FRMD6: variants seen among roughly 807,000 people sequenced by gnomAD.
The protein encoded by FRMD6 is FERM domain-containing protein 6.
FRMD6 carries 37 observed loss-of-function variants against 73.2 expected under a neutral mutation model. The ratio of observed to expected loss-of-function variants is 0.51; its 90% CI spans 0.39 to 0.66. The LOEUF is 0.66. Among genes scored for constraint, FRMD6 ranks in the 30% least tolerant of loss-of-function variants. The pLI, the probability that FRMD6 is intolerant of heterozygous loss-of-function variation, is 0.00. For missense variants in FRMD6, 714 were observed against 780.5 expected (o/e 0.91, Z 1.02); for synonymous variants, 273 against 282.2 (o/e 0.97, Z 0.33).
At chr14:51,698,927 T>C (rs936604846) in intron 3 of FRMD6, among the ~76,000 whole-genome samples, 1 of 152,004 alleles carries the variant, frequency 6.6e-6, no homozygotes. Context: ...AATTTAGTCT[T>C]CTATATATCT....
At chr14:51,683,686 C>T (rs533848952) in intron 1 of FRMD6, among the ~76,000 whole-genome samples, 1 of 152,162 alleles carries the variant, frequency 6.6e-6, no homozygotes, top group African/African-American at 2.4e-5. Context: ...TAATCTTAGG[C>T]GGCCAATACT....
Position 51,708,502 on chromosome 14 carries a change from T to C in FRMD6, c.714+269T>C, listed in dbSNP as rs146049364. Reference sequence around the variant, plus strand: ...GGCTATAAGATGTTAATCTGACTTTTTTAGTGATTATGGCATTGTTATTTC... The same window carrying C: ...GGCTATAAGATGTTAATCTGACTTTCTTAGTGATTATGGCATTGTTATTTC... On this transcript the variant is annotated intron_variant, in intron 7 of 13. Coordinates refer to ENST00000344768, the MANE Select transcript of FRMD6 (RefSeq NM_001267046.2). Among the ~76,000 whole-genome samples the C allele has an allele frequency of 3.4e-3, 518 of 152,234 alleles. 1 individual carries two copies. Among genetic ancestry groups the C allele is most frequent in the Non-Finnish European group, 5.6e-3 (382 of 67,982 alleles).
At position 51,600,457 on chromosome 14, in the gene FRMD6, G is replaced by C. The variant is rs138121912; in HGVS notation, c.-147+30047G>C. ...GACGTAGAATTACAATTACCAAAGG[G>C]AGAAGAGTTCACTGTGAATATTTAA... On this transcript the variant is annotated intron_variant, in intron 2 of 14. Coordinates refer to the FRMD6 transcript ENST00000356218. Among the ~76,000 whole-genome samples, 785 of 152,334 alleles carry C rather than the reference G, an allele frequency of 5.2e-3. 6 individuals are homozygous for C. The highest frequency in any genetic ancestry group is 0.017 in the African/African-American group (713 of 41,566).
At chr14:51,614,903 T>C (rs1189825639) in intron 2 of FRMD6, among the ~76,000 whole-genome samples, 2 of 152,188 alleles carry the variant, frequency 1.3e-5, no homozygotes, top group African/African-American at 4.8e-5. Context: ...CTTGTGCTTA[T>C]GAATACATGC....
intron 1 of FRMD6, among the ~76,000 whole-genome samples, chr14:51,497,157 G>C (rs1390281530): frequency 6.6e-6 from 1 of 151,940 alleles, no homozygotes; most frequent in Non-Finnish European, 1.5e-5. Flanking sequence ...CACTCAAGCA[G>C]GCAGAATTCC....
At chr14:51,606,848 G>A (rs990325794) in intron 2 of FRMD6, among the ~76,000 whole-genome samples, 1 of 152,148 alleles carries the variant, frequency 6.6e-6, no homozygotes, top group Non-Finnish European at 1.5e-5. Flanking sequence ...AGCCAAAGGT[G>A]TAATGCTCAG....
chr14:51,691,830 C>G (rs577469438), intron 2 of FRMD6, among the ~76,000 whole-genome samples: 1 of 151,746 alleles, frequency 6.6e-6, no homozygotes, highest in African/African-American at 2.4e-5. Flanking sequence ...CCTGACCTCA[C>G]GTGATCTGTC....
intron 2 of FRMD6, among the ~76,000 whole-genome samples, chr14:51,571,283 G>A (rs1035381562): frequency 1.3e-5 from 2 of 152,222 alleles, no homozygotes; most frequent in African/African-American, 4.8e-5. Flanking sequence ...GGATGCTGAG[G>A]CAGGAGGATC....
the FRMD6 span, among the ~76,000 whole-genome samples, chr14:51,414,888 T>C: frequency 6.6e-6 from 1 of 152,222 alleles, no homozygotes; most frequent in African/African-American, 2.4e-5. Flanking sequence ...GTTGGATTCC[T>C]AGGTATTTTA....
chr14:51,722,645 T>C (rs187041319), intron 12 of FRMD6, among the ~76,000 whole-genome samples: 100 of 152,356 alleles, frequency 6.6e-4, no homozygotes, highest in African/African-American at 2.3e-3. Context: ...CCTATAGTTA[T>C]ATAATACATC....
At chr14:51,490,620 G>GTGTGTGTGTGTGTGTGTGTGTA (rs546491853) in intron 1 of FRMD6, among the ~76,000 whole-genome samples, 2,750 of 151,944 alleles carry the variant, frequency 0.018, 37 homozygotes, top group Middle Eastern at 0.054. Flanking sequence ...TGTATTTTGT[G>GTGTGTGTGTGTGTGTGTGTGTA]TGTGTGTGTG....
chr14:51,671,385 A>T (rs577850439), intron 1 of FRMD6, among the ~76,000 whole-genome samples: 14 of 152,314 alleles, frequency 9.2e-5, no homozygotes, highest in Admixed American at 6.5e-4. Context: ...TCTTTGTCAT[A>T]AAATTTTTAA....
At position 51,556,238 on chromosome 14, in the gene FRMD6, A is replaced by G. The variant is rs574735531; in HGVS notation, c.-209-14110A>G. On this transcript the variant is annotated intron_variant, in intron 1 of 14. Coordinates refer to the FRMD6 transcript ENST00000356218. ...TACTGCTTCCTTTCTACCCACAGACATCAATGGTAAAATCAGACACTTTTG... is the reference window on the plus strand; with the variant it reads ...TACTGCTTCCTTTCTACCCACAGACGTCAATGGTAAAATCAGACACTTTTG... 7.2e-5 allele frequency among the ~76,000 whole-genome samples: 11 copies of G among 152,362 alleles called. No individual in the cohort carries two copies. The South Asian group carries it at 2.3e-3, about 32-fold the overall frequency.
At chr14:51,608,778 A>G (rs939021265) in intron 2 of FRMD6, among the ~76,000 whole-genome samples, 3 of 152,212 alleles carry the variant, frequency 2.0e-5, no homozygotes, top group Non-Finnish European at 4.4e-5. Context: ...TTCTTTCAAT[A>G]CACATGTACG....
At chr14:51,575,300 T>A (rs751365292) in intron 2 of FRMD6, among the ~76,000 whole-genome samples, 2 of 152,252 alleles carry the variant, frequency 1.3e-5, no homozygotes, top group Non-Finnish European at 2.9e-5. Context: ...GGCAGATAAG[T>A]AATTCCAACT....
chr14:51,420,640 C>A, the FRMD6 span, among the ~76,000 whole-genome samples: 1 of 152,298 alleles, frequency 6.6e-6, no homozygotes, highest in South Asian at 2.1e-4. Flanking sequence ...TTTTCCTTAT[C>A]ATTCCCTAAA....
chr14:51,527,250 G>GT (rs1165936304), intron 1 of FRMD6, among the ~76,000 whole-genome samples: 2 of 152,380 alleles, frequency 1.3e-5, no homozygotes, highest in African/African-American at 4.8e-5. Flanking sequence ...TCACAGCAGA[G>GT]TTTTTTATGT....
rs1177175408 is a variant in FRMD6 at position 51,585,951 on chromosome 14, A to G, written c.-147+15541A>G. Among the ~76,000 whole-genome samples, 196 of 15,894 alleles carry G rather than the reference A, an allele frequency of 0.012. 17 individuals are homozygous for G. The Middle Eastern group carries it at 0.18, about 14-fold the overall frequency. 10.4% of individuals were successfully genotyped at this position (15,894 alleles called of 152,430 possible). ...TGTGTGTGTGTGTGTATATATATAT[A>G]TATATATATAACATTTTCTTTATCA... On this transcript the variant is annotated intron_variant, in intron 2 of 14. Coordinates refer to the FRMD6 transcript ENST00000356218.
At chr14:51,635,929 C>G (rs992185321) in intron 2 of FRMD6, among the ~76,000 whole-genome samples, 5 of 152,200 alleles carry the variant, frequency 3.3e-5, no homozygotes, top group African/African-American at 9.7e-5. Context: ...GTAGTGTACA[C>G]CTAGCTCTTT....
Sources: gnomAD v4.1 joint callset for allele counts (sites outside exome capture counted in the v4.1 genomes callset) on GRCh38, gnomAD v4.1.1 for gene constraint, MANE v1.5 for transcripts, NCBI Gene and HGNC (gene_info 2026-07-23, HGNC 2026-07-21) for gene names.